The following ERBB4 variants were observed in gnomAD, a reference collection of about 807,000 sequenced individuals.
ERBB4 encodes the protein erb-b2 receptor tyrosine kinase 4.
Under a neutral mutation model 158.0 loss-of-function variants are expected in ERBB4, and 42 were observed. The ratio of observed to expected loss-of-function variants is 0.27; its 90% CI spans 0.21 to 0.34. The LOEUF (loss-of-function observed/expected upper bound fraction) is 0.34. ERBB4 is among the 10% of genes least tolerant of loss of function. The probability of loss-of-function intolerance (pLI) is 1.00; values close to 1 mark genes in which losing one functional copy is unlikely to be tolerated. For missense variants in ERBB4, 1,333 were observed against 1,624.1 expected (o/e 0.82, Z 3.08); for synonymous variants, 583 against 558.7 (o/e 1.04, Z -0.61).
chr2:212,119,957 G>A (rs556852589), intron 2 of ERBB4, among the ~76,000 whole-genome samples: 1 of 152,078 alleles, frequency 6.6e-6, no homozygotes, highest in Admixed American at 6.5e-5. Flanking sequence ...CTCAGGAGAC[G>A]TACTAGACAA....
In ERBB4 at chr2:212,538,613, C is replaced by T. The variant is rs1163996266; in HGVS notation, c.-83G>A. The T allele has an allele frequency of 7.0e-7, 1 of 1,422,732 alleles. No homozygotes were observed. Among genetic ancestry groups the T allele is most frequent in the African/African-American group, 1.4e-5 (1 of 70,932 alleles). The allele number at this position is 1,422,732 out of a possible 1,614,324, so 88.1% of individuals were successfully genotyped here. A position where few individuals can be genotyped will look rare whatever the true frequency, so the allele number is the denominator to read the frequency against. On this transcript the variant is annotated 5_prime_UTR_variant, in exon 1 of 28. Coordinates refer to ENST00000342788, the MANE Select transcript of ERBB4 (RefSeq NM_005235.3). ...TTTCGGGCACGCGGAGGAGATCCCC[C>T]AGCCGGGCGCGCGTGGGGGTGCGAG...
intron 5 of ERBB4, among the ~76,000 whole-genome samples, chr2:211,733,371 G>T (rs564552618): frequency 6.6e-6 from 1 of 152,244 alleles, no homozygotes; most frequent in South Asian, 2.1e-4. Context: ...GTGAGTAAGA[G>T]TTATTTTGCA....
chr2:212,370,621 T>C (rs2090051856), intron 1 of ERBB4, among the ~76,000 whole-genome samples: 1 of 152,186 alleles, frequency 6.6e-6, no homozygotes, highest in Non-Finnish European at 1.5e-5. Flanking sequence ...ATATGTAACA[T>C]AGTATTATTT....
rs115382996 is a variant in ERBB4, at chr2:212,245,639, G to A, written c.83-120736C>T. Among the ~76,000 whole-genome samples the A allele has an allele frequency of 6.1e-3, 926 of 152,148 alleles. 11 individuals are homozygous for A. Among genetic ancestry groups the A allele is most frequent in the African/African-American group, 0.021 (887 of 41,504 alleles). ...AATCACAAATGATTTTCCCATTATG[G>A]AAAAACATCCTGAGAATGTCACGAA... On this transcript the variant is annotated intron_variant, in intron 1 of 27. Coordinates refer to ENST00000342788, the MANE Select transcript of ERBB4 (RefSeq NM_005235.3).
At chr2:211,800,632 A>T (rs2076477881) in intron 3 of ERBB4, among the ~76,000 whole-genome samples, 1 of 148,414 alleles carries the variant, frequency 6.7e-6, no homozygotes, top group Admixed American at 6.8e-5. Context: ...CTTTTAAGGG[A>T]TCTTTTCTAC....
At chr2:211,424,077 ATGT>A (rs1378640503) in intron 23 of ERBB4, 75 bp downstream of exon 23, 7 of 1,379,946 alleles carry the variant, frequency 5.1e-6, no homozygotes, top group African/African-American at 4.3e-5. Context: ...ATACAGAGAA[ATGT>A]TGTACAGATT....
In ERBB4 at chr2:211,711,453, G is replaced by A. The variant is rs753076032; in HGVS notation, c.1124+597C>T. Among the ~76,000 whole-genome samples, 30 of 152,044 alleles carry A rather than the reference G, an allele frequency of 2.0e-4. 1 individual carries two copies. The highest frequency in any genetic ancestry group is 7.4e-5 in the Non-Finnish European group (5 of 67,990). On this transcript the variant is annotated intron_variant, in intron 9 of 27. Transcript: ENST00000342788. The stretch of plus-strand genomic sequence containing the variant: ...TTTGTTTTCCAGTTAAAACGAGTAG[G>A]GGGTCCTGTAATGAAGGAGCCCAGA...
intron 1 of ERBB4, among the ~76,000 whole-genome samples, chr2:212,200,203 T>C (rs1274497154): frequency 1.3e-5 from 2 of 152,096 alleles, no homozygotes; most frequent in Non-Finnish European, 2.9e-5. Flanking sequence ...CATTCTACTT[T>C]GAGGAATGAC....
chr2:211,615,961 G>C (rs1213084139), intron 19 of ERBB4, among the ~76,000 whole-genome samples: 3 of 152,186 alleles, frequency 2.0e-5, no homozygotes, highest in South Asian at 2.1e-4. Flanking sequence ...GTACAAACAA[G>C]CATACAAATA....
At chr2:212,004,176 A>G (rs568784713) in intron 2 of ERBB4, among the ~76,000 whole-genome samples, 1 of 152,230 alleles carries the variant, frequency 6.6e-6, no homozygotes, top group Non-Finnish European at 1.5e-5. Flanking sequence ...AGAGCTAAAA[A>G]AATTGTATCA....
intron 1 of ERBB4, among the ~76,000 whole-genome samples, chr2:212,488,128 T>C (rs1280916895): frequency 2.0e-5 from 3 of 152,094 alleles, no homozygotes; most frequent in African/African-American, 7.2e-5. Context: ...CTCCAAACTC[T>C]ATGGATGATA....
Position 211,578,724 on chromosome 2 carries a change from G to A in ERBB4, c.2302-16636C>T, listed in dbSNP as rs370291435. Among the ~76,000 whole-genome samples the A allele has an allele frequency of 3.3e-4, 50 of 152,132 alleles. No homozygotes were observed. In the South Asian group the frequency reaches 9.7e-3, roughly 30 times the overall value. On this transcript the variant is annotated intron_variant, in intron 19 of 27. Transcript: ENST00000342788. ...GGGGAAAGGATTTCCTATTTAATAC[G>A]TAGTGCTGGGAGAACTGGCTAGCCA...
chr2:211,933,802 C>T (rs115422119), intron 3 of ERBB4, among the ~76,000 whole-genome samples: 5,372 of 151,996 alleles, frequency 0.035, 132 homozygotes, highest in Middle Eastern at 0.088. Flanking sequence ...ATCGCATCTA[C>T]GATCCTCTTC....
At chr2:212,444,717 G>C (rs1574930329) in intron 1 of ERBB4, among the ~76,000 whole-genome samples, 1 of 152,092 alleles carries the variant, frequency 6.6e-6, no homozygotes, top group Admixed American at 6.6e-5. Flanking sequence ...CAACAACATG[G>C]ATTTCCACTC....
At chr2:211,464,691 G>A (rs2371273) in intron 20 of ERBB4, among the ~76,000 whole-genome samples, 84,506 of 151,802 alleles carry the variant, frequency 0.56, 25,268 homozygotes, top group Middle Eastern at 0.66. Context: ...GAATTAACTT[G>A]AGAAAAGCTT....
intron 2 of ERBB4, among the ~76,000 whole-genome samples, chr2:212,117,330 A>C (rs11677987): frequency 0.076 from 11,630 of 152,072 alleles, 783 homozygotes; most frequent in African/African-American, 0.18. Context: ...CTCTTTTTTA[A>C]TGCTTGTTTA....
chr2:211,600,841 A>G (rs1235195103), intron 19 of ERBB4, among the ~76,000 whole-genome samples: 1 of 152,112 alleles, frequency 6.6e-6, no homozygotes, highest in Non-Finnish European at 1.5e-5. Context: ...TGGCAGCCAG[A>G]TATGTAATTT....
chr2:211,661,091 G>C (rs2071406783), intron 15 of ERBB4, among the ~76,000 whole-genome samples: 1 of 151,994 alleles, frequency 6.6e-6, no homozygotes, highest in Non-Finnish European at 1.5e-5. Context: ...GTCAAGAAAA[G>C]TTGTTGAGGG....
Position 212,446,596 on chromosome 2 carries a change from T to TATATATATATATATATATAC in ERBB4, c.82+91852_82+91853insGTATATATATATATATATAT, listed in dbSNP as rs2092357269. ...AAACTCCCATATATATATATGTATA[T>TATATATATATATATATATAC]ATATATATATATATATATATATATA... On this transcript the variant is annotated intron_variant, in intron 1 of 27. Transcript: ENST00000342788. 1.3e-4 allele frequency among the ~76,000 whole-genome samples: 2 copies of TATATATATATATATATATAC among 15,848 alleles called. 1 individual carries two copies. Among genetic ancestry groups the TATATATATATATATATATAC allele is most frequent in the Admixed American group, 1.1e-3 (2 of 1,762 alleles). 10.4% of individuals were successfully genotyped at this position (15,848 alleles called of 152,430 possible). A position where few individuals can be genotyped will look rare whatever the true frequency, so the allele number is the denominator to read the frequency against.
Sources: gnomAD v4.1 joint callset for allele counts (sites outside exome capture counted in the v4.1 genomes callset) on GRCh38, gnomAD v4.1.1 for gene constraint, MANE v1.5 for transcripts, NCBI Gene and HGNC (gene_info 2026-07-23, HGNC 2026-07-21) for gene names.